DLC1: variants seen among roughly 807,000 people sequenced by gnomAD.
The protein encoded by DLC1 is rho GTPase-activating protein 7.
DLC1 carries 54 observed loss-of-function variants against 140.3 expected under a neutral mutation model. The observed-to-expected ratio is 0.38, with a 90% confidence interval of 0.31 to 0.48. DLC1 has a LOEUF of 0.48. DLC1 is among the 20% of genes least tolerant of loss of function. The pLI, the probability that DLC1 is intolerant of heterozygous loss-of-function variation, is 0.96. For synonymous variants in DLC1, 986 were observed against 728.1 expected, an observed-to-expected ratio of 1.35 and a Z score of -5.70; for missense variants, 2,536 against 1,907.0, an observed-to-expected ratio of 1.33 and a Z score of -6.14.
chr8:13,167,272 C>T (rs150874923), intron 5 of DLC1, among the ~76,000 whole-genome samples: 1 of 152,022 alleles, frequency 6.6e-6, no homozygotes, highest in Non-Finnish European at 1.5e-5. Context: ...TTTGTCTTAA[C>T]ATTTCCTATG....
At chr8:13,541,430 G>T (rs1242290988) in intron 1 of DLC1, among the ~76,000 whole-genome samples, 1 of 152,172 alleles carries the variant, frequency 6.6e-6, no homozygotes, top group Non-Finnish European at 1.5e-5. Flanking sequence ...CAATCTCTGA[G>T]AGATCCACTT....
At chr8:13,477,793 C>T (rs890820261) in intron 2 of DLC1, among the ~76,000 whole-genome samples, 5 of 151,962 alleles carry the variant, frequency 3.3e-5, no homozygotes, top group Non-Finnish European at 7.4e-5. Context: ...CATATCCTAA[C>T]CACCCAACCA....
chr8:13,435,470 C>T (rs911528395), intron 2 of DLC1, among the ~76,000 whole-genome samples: 2 of 152,176 alleles, frequency 1.3e-5, no homozygotes, highest in Non-Finnish European at 2.9e-5. Context: ...TGCGCCTCCA[C>T]ACCTGACTAA....
chr8:13,158,185 G>A (rs1824399715), intron 5 of DLC1, among the ~76,000 whole-genome samples: 1 of 152,114 alleles, frequency 6.6e-6, no homozygotes, highest in Non-Finnish European at 1.5e-5. Flanking sequence ...TATCTCTGGG[G>A]TCCCCGCCCA....
At chr8:13,225,923 T>A (rs909200463) in intron 5 of DLC1, among the ~76,000 whole-genome samples, 4 of 152,102 alleles carry the variant, frequency 2.6e-5, no homozygotes, top group African/African-American at 9.7e-5. Context: ...CCTATTTTTT[T>A]ATTTTTTGAG....
chr8:13,403,716 C>T (rs1327544451), intron 2 of DLC1, among the ~76,000 whole-genome samples: 5 of 151,514 alleles, frequency 3.3e-5, no homozygotes, highest in African/African-American at 4.8e-5. Flanking sequence ...TGTTGGCTCG[C>T]TGCAGCCTGG....
At chr8:13,276,648 A>G in intron 5 of DLC1, 1 of 1,167,272 alleles carries the variant, frequency 8.6e-7, no homozygotes, top group Non-Finnish European at 1.1e-6. Flanking sequence ...GAGCTGCAGC[A>G]CAGCTATCCG....
At chr8:13,151,850 A>T (rs1453304007) in intron 5 of DLC1, among the ~76,000 whole-genome samples, 1 of 152,190 alleles carries the variant, frequency 6.6e-6, no homozygotes, top group Non-Finnish European at 1.5e-5. Context: ...ATTTACATTT[A>T]TTGTCGGTAA....
intron 1 of DLC1, among the ~76,000 whole-genome samples, chr8:13,552,179 G>A (rs372747872): frequency 5.0e-5 from 4 of 80,496 alleles, no homozygotes; most frequent in East Asian, 4.8e-4. Context: ...GTCTAGAGGT[G>A]TATATATATA....
In DLC1 at chr8:13,084,542, T is replaced by C. The variant is rs542793840; in HGVS notation, c.*1269A>G. The C allele has an allele frequency of 6.6e-6, 1 of 152,302 alleles. No individual in the cohort carries two copies. Among genetic ancestry groups the C allele is most frequent in the East Asian group, 1.9e-4 (1 of 5,172 alleles). 9.4% of individuals were successfully genotyped at this position (152,302 alleles called of 1,614,324 possible). Reference sequence around the variant, plus strand: ...TCACTGGTTTGGGTTGGTTTTCTTCTTGTTGCGTTTTACTATGATTACTAT... The same window carrying C: ...TCACTGGTTTGGGTTGGTTTTCTTCCTGTTGCGTTTTACTATGATTACTAT... On this transcript the variant is annotated 3_prime_UTR_variant, in exon 18 of 18. Coordinates refer to ENST00000276297, the MANE Select transcript of DLC1 (RefSeq NM_182643.3).
intron 4 of DLC1, among the ~76,000 whole-genome samples, chr8:13,381,092 G>C (rs1285249022): frequency 6.6e-6 from 1 of 152,156 alleles, no homozygotes; most frequent in Non-Finnish European, 1.5e-5. Context: ...GCCTGACCTG[G>C]CTTGTTGGGG....
At chr8:13,388,681 A>G (rs1344873860) in intron 4 of DLC1, among the ~76,000 whole-genome samples, 3 of 151,990 alleles carry the variant, frequency 2.0e-5, no homozygotes, top group Non-Finnish European at 4.4e-5. Context: ...ATCTGATGTG[A>G]ATATATGTAC....
chr8:13,258,439 A>G (rs1830341126), intron 5 of DLC1, among the ~76,000 whole-genome samples: 1 of 152,198 alleles, frequency 6.6e-6, no homozygotes, highest in South Asian at 2.1e-4. Context: ...ATAGTTACCC[A>G]TATATATTCC....
intron 5 of DLC1, among the ~76,000 whole-genome samples, chr8:13,140,696 C>T (rs913382512): frequency 6.6e-6 from 1 of 152,228 alleles, no homozygotes; most frequent in Non-Finnish European, 1.5e-5. Flanking sequence ...TAACAAGCTT[C>T]AAACAAAATT....
In DLC1 at chr8:13,499,767, G is replaced by C. The variant is rs772894753; in HGVS notation, c.305C>G (p.Ala102Gly). The C allele has an allele frequency of 6.2e-7, 1 of 1,613,970 alleles. No homozygotes were observed. The highest frequency in any genetic ancestry group is 8.5e-7 in the Non-Finnish European group (1 of 1,180,018). ...AACATGCACTAGTGTTTCTGTGCTG[G>C]CTTCCAGAGAAAGAAACTGATCTTC... ...EGEDQFLSLE[A>G]STETLVHVSD... The change falls in exon 2 of 18, where the codon GCC (alanine) becomes GGC (glycine). Residue 102 changes from alanine (A) to glycine (G), a missense_variant. Physicochemically the swap from Ala to Gly is moderately conservative, Grantham distance 60. Coordinates refer to ENST00000276297, the MANE Select transcript of DLC1 (RefSeq NM_182643.3).
At chr8:13,394,885 A>C (rs1218958396) in intron 3 of DLC1, among the ~76,000 whole-genome samples, 1 of 152,200 alleles carries the variant, frequency 6.6e-6, no homozygotes, top group South Asian at 2.1e-4. Context: ...TGTCAGCTTG[A>C]ATCTTACTAC....
At chr8:13,586,199 A>G (rs1011630899) in intron 1 of DLC1, among the ~76,000 whole-genome samples, 1 of 152,138 alleles carries the variant, frequency 6.6e-6, no homozygotes, top group Non-Finnish European at 1.5e-5. Context: ...TGCATTTATG[A>G]TGACTGTTTT....
chr8:13,464,297 C>T (rs981122998), intron 2 of DLC1, among the ~76,000 whole-genome samples: 6 of 152,088 alleles, frequency 3.9e-5, no homozygotes, highest in South Asian at 4.1e-4. Flanking sequence ...CTTTCACTGA[C>T]TGAATGCATT....
At position 13,240,050 on chromosome 8, in the gene DLC1, G is replaced by T. The variant is rs987386654; in HGVS notation, c.1348+65219C>A. On this transcript the variant is annotated intron_variant, in intron 5 of 17. Transcript: ENST00000276297. ...AATCTTCATCTTCAAATGCACAGTA[G>T]ACACGTGGGAACAAGATTAGGGGGA... Among the ~76,000 whole-genome samples the T allele has an allele frequency of 1.3e-5, 2 of 152,100 alleles. 1 individual carries two copies. The highest frequency in any genetic ancestry group is 4.8e-5 in the African/African-American group (2 of 41,400).
Sources: allele counts gnomAD v4.1 joint callset (sites outside exome capture counted in the v4.1 genomes callset), GRCh38; gene constraint gnomAD v4.1.1; transcripts MANE v1.5; gene names NCBI Gene and HGNC (gene_info 2026-07-23, HGNC 2026-07-21).